TFB2M: variants seen among roughly 807,000 people sequenced by gnomAD.
TFB2M encodes the protein transcription factor B2, mitochondrial.
TFB2M carries 44 observed loss-of-function variants against 41.3 expected under a neutral mutation model. The ratio of observed to expected loss-of-function variants is 1.07; its 90% CI spans 0.84 to 1.37. The LOEUF (loss-of-function observed/expected upper bound fraction) is 1.37, where lower values mean the gene tolerates loss of function less well. TFB2M is among the 40% of genes most tolerant of loss of function. TFB2M has a pLI of 0.00. For missense variants in TFB2M, 496 were observed against 490.2 expected, an observed-to-expected ratio of 1.01 and a Z score of -0.11; for synonymous variants, 188 against 176.8, an observed-to-expected ratio of 1.06 and a Z score of -0.50.
chr1:246,545,549 C>G (rs903520557), intron 6 of TFB2M, among the ~76,000 whole-genome samples: 1 of 151,592 alleles, frequency 6.6e-6, no homozygotes, highest in Non-Finnish European at 1.5e-5. Flanking sequence ...TTAATGTTTG[C>G]TATGAAGGAG....
Position 246,564,403 on chromosome 1 carries a change from T to C in TFB2M, c.345A>G (p.Glu115=). Residue 115 remains glutamate, a synonymous_variant, in exon 2 of 8, where the codon GAA becomes GAG. Transcript: ENST00000366514. ...CGAGCGCAACCACTTTGGCACCAGC[T>C]TCAAGTAATGCCTGAGTCAGGATTC... is the stretch of plus-strand genomic sequence containing the variant. ...GPGILTQALL[E]AGAKVVALES... 6.2e-7 allele frequency: 1 copy of C among 1,614,196 alleles called. No individual in the cohort carries two copies. The highest frequency in any genetic ancestry group is 1.7e-5 in the Admixed American group (1 of 60,024).
intron 7 of TFB2M, among the ~76,000 whole-genome samples, chr1:246,543,491 C>T (rs559190003): frequency 2.0e-5 from 3 of 152,190 alleles, no homozygotes; most frequent in South Asian, 2.1e-4. Flanking sequence ...GATGGCCAGG[C>T]GCAGTGGCTC....
intron 7 of TFB2M, among the ~76,000 whole-genome samples, chr1:246,542,854 G>A (rs1372998099): frequency 6.8e-6 from 1 of 147,632 alleles, no homozygotes; most frequent in Non-Finnish European, 1.5e-5. Flanking sequence ...AAAAATAATA[G>A]ATTGCCTTTT....
At chr1:246,548,412 A>G (rs1659080929) in intron 6 of TFB2M, 133 bp downstream of exon 6, 4 of 674,308 alleles carry the variant, frequency 5.9e-6, no homozygotes, top group Admixed American at 3.2e-5. Context: ...AAGTAGTAAG[A>G]TATGTTTAAA....
At position 246,540,901 on chromosome 1, in the gene TFB2M, A is replaced by G; in HGVS notation, c.*130T>C. Reference sequence around the variant, plus strand: ...AGCCAATGATATCAGCTTAGGAGAAATGATCTGCCTGGCTTGTGCAAGACA... The same window carrying G: ...AGCCAATGATATCAGCTTAGGAGAAGTGATCTGCCTGGCTTGTGCAAGACA... On this transcript the variant is annotated 3_prime_UTR_variant, in exon 8 of 8. Transcript: ENST00000366514. 1 of 792,990 alleles carries G rather than the reference A, an allele frequency of 1.3e-6. No homozygotes were observed. The highest frequency in any genetic ancestry group is 2.0e-5 in the South Asian group (1 of 48,928). 49.1% of individuals were successfully genotyped at this position (792,990 alleles called of 1,614,324 possible).
intron 4 of TFB2M, among the ~76,000 whole-genome samples, chr1:246,555,574 AAAAC>A (rs1272659746): frequency 7.9e-5 from 12 of 152,136 alleles, no homozygotes; most frequent in African/African-American, 1.4e-4. Context: ...CCTGTCTCAA[AAAAC>A]AAACAAACAA....
Position 246,566,236 on chromosome 1 carries a change from G to C in TFB2M, c.-98C>G. 7.8e-7 allele frequency: 1 copy of C among 1,289,676 alleles called. No individual in the cohort carries two copies. Among genetic ancestry groups the C allele is most frequent in the African/African-American group, 1.5e-5 (1 of 67,194 alleles). The allele number at this position is 1,289,676 out of a possible 1,614,324, so 79.9% of individuals were successfully genotyped here. A position where few individuals can be genotyped will look rare whatever the true frequency, so the allele number is the denominator to read the frequency against. ...CACGTGGAACATTTTCTGGCGTCCGGGCCAGGTCAAGCGGAAGTAAACACT... is the reference window on the plus strand; with the variant it reads ...CACGTGGAACATTTTCTGGCGTCCGCGCCAGGTCAAGCGGAAGTAAACACT... On this transcript the variant is annotated 5_prime_UTR_variant, in exon 1 of 8. Transcript: ENST00000366514.
At chr1:246,544,481 T>A (rs1455678933) in intron 7 of TFB2M, 40 bp downstream of exon 7, 8 of 1,528,774 alleles carry the variant, frequency 5.2e-6, no homozygotes, top group East Asian at 2.3e-5. Flanking sequence ...AATTTGTGCA[T>A]CGTTGCTACT....
At position 246,564,409 on chromosome 1, in the gene TFB2M, T is replaced by C; in HGVS notation, c.339A>G (p.Leu113=). The change falls in exon 2 of 8, where the codon TTA becomes TTG. Residue 113 remains leucine, a synonymous_variant. Coordinates refer to ENST00000366514, the MANE Select transcript of TFB2M (RefSeq NM_022366.3). ...CAACCACTTTGGCACCAGCTTCAAG[T>C]AATGCCTGAGTCAGGATTCCAGGAC... The part of the protein sequence containing the change: ...NPGPGILTQA[L]LEAGAKVVAL... The C allele has an allele frequency of 6.2e-7, 1 of 1,614,196 alleles. No individual in the cohort carries two copies. The highest frequency in any genetic ancestry group is 8.5e-7 in the Non-Finnish European group (1 of 1,180,010).
intron 1 of TFB2M, 58 bp downstream of exon 1, chr1:246,565,768 G>A (rs767118346): frequency 1.9e-5 from 30 of 1,547,400 alleles, no homozygotes; most frequent in East Asian, 6.8e-5. Context: ...CCCGAGGAGG[G>A]TCAATACGTT....
At chr1:246,547,935 G>C (rs973943037) in intron 6 of TFB2M, among the ~76,000 whole-genome samples, 5 of 139,328 alleles carry the variant, frequency 3.6e-5, no homozygotes, top group Admixed American at 8.4e-5. Context: ...AATAAGAGTA[G>C]TAATATCACA....
rs1359342295 is a variant in TFB2M at position 246,565,907 on chromosome 1, G to T, written c.232C>A (p.Arg78=). The T allele has an allele frequency of 1.9e-6, 3 of 1,613,860 alleles. No individual in the cohort carries two copies. In the Admixed American group the frequency reaches 5.0e-5, roughly 27 times the overall value. Residue 78 remains arginine (R), a synonymous_variant, in exon 1 of 8, where the codon CGG becomes AGG. Coordinates refer to ENST00000366514, the MANE Select transcript of TFB2M (RefSeq NM_022366.3). The part of the protein sequence containing the change: ...SLDFKRYVTD[R]RLAETLAQIY... ...TGCGCCAGGGTCTCAGCCAATCTCCGATCGGTTACGTAACGCTTAAAGTCT... is the reference window on the plus strand; with the variant it reads ...TGCGCCAGGGTCTCAGCCAATCTCCTATCGGTTACGTAACGCTTAAAGTCT...
intron 7 of TFB2M, among the ~76,000 whole-genome samples, chr1:246,544,278 A>G (rs748816939): frequency 2.0e-5 from 3 of 152,218 alleles, no homozygotes; most frequent in Non-Finnish European, 4.4e-5. Flanking sequence ...ATACTCTCAA[A>G]AAGATTAAAC....
In TFB2M at chr1:246,545,041, G is replaced by A. The variant is rs188068726; in HGVS notation, c.859-360C>T. Among the ~76,000 whole-genome samples the A allele has an allele frequency of 7.7e-3, 1,114 of 143,962 alleles. 5 individuals are homozygous for A. The highest frequency in any genetic ancestry group is 0.013 in the South Asian group (54 of 4,020). The allele number at this position is 143,962 out of a possible 152,430, so 94.4% of individuals were successfully genotyped here. On this transcript the variant is annotated intron_variant, in intron 6 of 7. Transcript: ENST00000366514. ...AGGATGGTCTCGATCTCCTGACCTCGTGATCCGCCCGCCTCGGCCTCCCCA... is the reference window on the plus strand; with the variant it reads ...AGGATGGTCTCGATCTCCTGACCTCATGATCCGCCCGCCTCGGCCTCCCCA...
intron 2 of TFB2M, among the ~76,000 whole-genome samples, chr1:246,559,191 C>T (rs948037059): frequency 2.0e-5 from 3 of 152,100 alleles, no homozygotes; most frequent in African/African-American, 7.2e-5. Flanking sequence ...TTAAGTGATG[C>T]TCCTGTCTCA....
At chr1:246,557,816 C>T (rs1415069770) in intron 2 of TFB2M, among the ~76,000 whole-genome samples, 1 of 151,832 alleles carries the variant, frequency 6.6e-6, no homozygotes, top group Non-Finnish European at 1.5e-5. Context: ...ACTACAGGTG[C>T]GTGCCACCAC....
chr1:246,560,398 C>T (rs535598531), intron 2 of TFB2M, among the ~76,000 whole-genome samples: 157 of 152,238 alleles, frequency 1.0e-3, no homozygotes, highest in African/African-American at 3.7e-3. Flanking sequence ...GGGCGTGTGC[C>T]TGTAATCCCA....
At chr1:246,556,460 C>G (rs1219985000) in intron 4 of TFB2M, 113 bp downstream of exon 4, 1 of 837,692 alleles carries the variant, frequency 1.2e-6, no homozygotes, top group Non-Finnish European at 1.7e-6. Context: ...AATTTAAAAA[C>G]AATCTTAGAC....
chr1:246,548,166 C>T (rs760506136), intron 6 of TFB2M, among the ~76,000 whole-genome samples: 3 of 152,116 alleles, frequency 2.0e-5, no homozygotes, highest in African/African-American at 4.8e-5. Flanking sequence ...AGGGTGGTCC[C>T]GATCTCTTGA....
Sources: allele counts gnomAD v4.1 joint callset (sites outside exome capture counted in the v4.1 genomes callset), GRCh38; gene constraint gnomAD v4.1.1; transcripts MANE v1.5; gene names NCBI Gene and HGNC (gene_info 2026-07-23, HGNC 2026-07-21).